Variants in DNAH12 observed in about 807,000 individuals in gnomAD.
DNAH12 encodes the protein dynein axonemal heavy chain 12.
A neutral mutation model predicts 371.5 loss-of-function variants in DNAH12; 285 were observed. That is an observed-to-expected ratio of 0.77 (90% CI 0.70 to 0.85). The LOEUF (loss-of-function observed/expected upper bound fraction) is 0.85, where lower values mean the gene tolerates loss of function less well. Among genes scored for constraint, DNAH12 ranks in the 40% least tolerant of loss-of-function variants. DNAH12 has a pLI of 0.00. For missense variants in DNAH12, 3,611 were observed against 3,689.4 expected (o/e 0.98, Z 0.55); for synonymous variants, 1,200 against 1,213.0 (o/e 0.99, Z 0.22).
At chr3:57,518,149 A>C (rs1165062417) in intron 4 of DNAH12, among the ~76,000 whole-genome samples, 1 of 152,110 alleles carries the variant, frequency 6.6e-6, no homozygotes, top group Non-Finnish European at 1.5e-5. Flanking sequence ...ATTTTACTGA[A>C]CATGTGTTTT....
rs760815244 is a variant in DNAH12 at position 57,322,348 on chromosome 3, C to T, written c.10519G>A (p.Glu3507Lys). ...PEFFKGCRGK[E>K]LAWEKLLFGV... ...TTCCAAAAGATGAATATTACCAGTT[C>T]CTTTCCACGGCATCCCTTGAAAAAC... The change falls in exon 65 of 74, where the codon GAA becomes AAA. Residue 3507 changes from glutamate to lysine, a missense_variant. Around this residue, in one of 3 missense-constraint regions of DNAH12, gnomAD observed 2,266 missense variants for 2,236.9 expected, o/e 1.01. Coordinates refer to ENST00000495027, the MANE Select transcript of DNAH12 (RefSeq NM_001366028.2). 1 of 1,550,602 alleles carries T rather than the reference C, an allele frequency of 6.4e-7. No individual in the cohort carries two copies. Among genetic ancestry groups the T allele is most frequent in the South Asian group, 1.2e-5 (1 of 83,722 alleles).
intron 2 of DNAH12, 27 bp from the exon 3 acceptor site, chr3:57,523,911 T>A: frequency 1.3e-6 from 2 of 1,486,094 alleles, no homozygotes; most frequent in Non-Finnish European, 9.3e-7. Context: ...GAAATATGAC[T>A]CTCTTGATAA....
At chr3:57,404,928 T>C (rs1319292589) in intron 42 of DNAH12, 41 bp downstream of exon 42, 160 of 1,426,920 alleles carry the variant, frequency 1.1e-4, no homozygotes, top group Middle Eastern at 5.7e-4. Flanking sequence ...AATAACATTT[T>C]ACAGATAGCA....
intron 57 of DNAH12, among the ~76,000 whole-genome samples, chr3:57,364,691 T>C (rs1429963043): frequency 2.0e-5 from 3 of 152,092 alleles, no homozygotes; most frequent in Non-Finnish European, 2.9e-5. Context: ...ACCTACAGAA[T>C]GGGAGAAAAT....
At chr3:57,423,911 G>C (rs749520249) in intron 35 of DNAH12, among the ~76,000 whole-genome samples, 1 of 151,756 alleles carries the variant, frequency 6.6e-6, no homozygotes, top group Non-Finnish European at 1.5e-5. Flanking sequence ...GCTAATTTTT[G>C]TATTTATAGT....
chr3:57,451,970 T>G (rs2065771402), intron 25 of DNAH12, among the ~76,000 whole-genome samples: 1 of 152,166 alleles, frequency 6.6e-6, no homozygotes, highest in South Asian at 2.1e-4. Context: ...GCGTACTTGA[T>G]CTCTCAAGTC....
At chr3:57,509,235 T>C (rs781217350) in intron 5 of DNAH12, 23 bp from the exon 6 acceptor site, 7 of 1,599,322 alleles carry the variant, frequency 4.4e-6, no homozygotes, top group East Asian at 2.2e-5. Context: ...GATATATTAA[T>C]GCTTCTTGAA....
chr3:57,542,423 C>A (rs1306419411), intron 2 of DNAH12, among the ~76,000 whole-genome samples: 1 of 152,156 alleles, frequency 6.6e-6, no homozygotes, highest in Non-Finnish European at 1.5e-5. Context: ...CTTAACTTCT[C>A]TATACCTCAG....
chr3:57,354,302 A>T (rs1335354345), intron 59 of DNAH12, among the ~76,000 whole-genome samples: 1 of 152,130 alleles, frequency 6.6e-6, no homozygotes, highest in Non-Finnish European at 1.5e-5. Context: ...CTGAGTACAC[A>T]TGGACACAAG....
intron 13 of DNAH12, among the ~76,000 whole-genome samples, chr3:57,475,486 C>T (rs2066495363): frequency 6.6e-6 from 1 of 151,934 alleles, no homozygotes; most frequent in African/African-American, 2.4e-5. Context: ...AAAAAGATAC[C>T]TAATAATATA....
At chr3:57,498,233 G>C (rs941082770) in intron 11 of DNAH12, 1 of 412,294 alleles carries the variant, frequency 2.4e-6, no homozygotes, top group Non-Finnish European at 4.3e-6. Flanking sequence ...AAGCCCAAAG[G>C]TTGAAAAGGA....
rs550516630 is a variant in DNAH12 at position 57,470,658 on chromosome 3, G to T, written c.1912-22C>A. On this transcript the variant is annotated intron_variant, in intron 15 of 73. Transcript: ENST00000495027. The stretch of plus-strand genomic sequence containing the variant: ...CATACTGAAAGTAAATAAGTTTTTT[G>T]TCTTAAAAAAAATTCAAGTAATGTT... 46 of 1,501,110 alleles carry T rather than the reference G, an allele frequency of 3.1e-5. No individual in the cohort carries two copies. The African/African-American group carries it at 6.4e-4, about 21-fold the overall frequency. 93.0% of individuals were successfully genotyped at this position (1,501,110 alleles called of 1,614,324 possible).
At position 57,523,835 on chromosome 3, in the gene DNAH12, G is replaced by GTGT. The variant is rs1348469373; in HGVS notation, c.217_219dup (p.Thr73dup). ...GGATAATCAGGTGGTGGTAATAGAG[G>GTGT]TGTTCTTTTACCCAGTGTTCTGTCT... is the stretch of plus-strand genomic sequence containing the variant. On this transcript the variant is annotated inframe_insertion, in exon 3 of 74. Coordinates refer to ENST00000495027, the MANE Select transcript of DNAH12 (RefSeq NM_001366028.2). 4 of 1,607,356 alleles carry GTGT rather than the reference G, an allele frequency of 2.5e-6. No homozygotes were observed. The African/African-American group carries it at 4.0e-5, about 16-fold the overall frequency.
At chr3:57,448,383 C>T (rs965444381) in intron 25 of DNAH12, among the ~76,000 whole-genome samples, 1 of 151,780 alleles carries the variant, frequency 6.6e-6, no homozygotes, top group Non-Finnish European at 1.5e-5. Flanking sequence ...CTCTCACTGG[C>T]TTCAGGAGAG....
intron 19 of DNAH12, among the ~76,000 whole-genome samples, chr3:57,460,718 T>C (rs1002589146): frequency 6.6e-6 from 1 of 152,146 alleles, no homozygotes; most frequent in African/African-American, 2.4e-5. Context: ...AATAAATAAA[T>C]CTTCTATTTA....
chr3:57,415,638 A>G, intron 37 of DNAH12, 74 bp from the exon 38 acceptor site: 1 of 1,407,334 alleles, frequency 7.1e-7, no homozygotes, highest in Non-Finnish European at 9.4e-7. Context: ...AGGAGGCGGT[A>G]GTTAAAAGTG....
rs922427166 is a variant in DNAH12 at position 57,301,751 on chromosome 3, C to A, written c.11378G>T (p.Arg3793Leu). 19 of 1,548,746 alleles carry A rather than the reference C, an allele frequency of 1.2e-5. No individual in the cohort carries two copies. Among genetic ancestry groups the A allele is most frequent in the Non-Finnish European group, 1.7e-5 (19 of 1,145,990 alleles). Residue 3793 changes from arginine to leucine, a missense_variant, in exon 70 of 74, where the codon CGG (arginine) becomes CTG (leucine). Coordinates refer to ENST00000495027, the MANE Select transcript of DNAH12 (RefSeq NM_001366028.2). ...ACATTTTACCTGTAAAAAGTTCAAC[C>A]GGGCTAGGAAATCTGTGATGTAACT... ...LGSYITDFLA[R>L]LNFLQDWYNS...
At chr3:57,497,620 T>C (rs1383962128) in intron 11 of DNAH12, among the ~76,000 whole-genome samples, 1 of 152,186 alleles carries the variant, frequency 6.6e-6, no homozygotes, top group Non-Finnish European at 1.5e-5. Context: ...ATGTGAAAGC[T>C]ACAACTATAA....
intron 37 of DNAH12, among the ~76,000 whole-genome samples, chr3:57,417,110 C>T (rs1255689582): frequency 1.3e-5 from 2 of 151,986 alleles, no homozygotes; most frequent in South Asian, 2.1e-4. Flanking sequence ...ATTAACTGGG[C>T]ATGGTGGCAA....
Sources: allele counts gnomAD v4.1 joint callset (sites outside exome capture counted in the v4.1 genomes callset), GRCh38; gene constraint gnomAD v4.1.1; regional missense constraint gnomAD v4.1.1; transcripts MANE v1.5; gene names NCBI Gene and HGNC (gene_info 2026-07-23, HGNC 2026-07-21).